PIK3CD: variants seen among roughly 807,000 people sequenced by gnomAD.
The protein encoded by PIK3CD is phosphatidylinositol-4,5-bisphosphate 3-kinase catalytic subunit delta.
PIK3CD carries 20 observed loss-of-function variants against 122.9 expected under a neutral mutation model. The observed-to-expected ratio is 0.16, with a 90% CI of 0.11 to 0.24. The LOEUF (loss-of-function observed/expected upper bound fraction) is 0.24, where lower values mean the gene tolerates loss of function less well. PIK3CD is among the 10% of genes least tolerant of loss of function. The pLI, the probability that PIK3CD is intolerant of heterozygous loss-of-function variation, is 1.00. For synonymous variants in PIK3CD, 596 were observed against 593.4 expected (o/e 1.00, Z -0.06); for missense variants, 787 against 1,406.3 (o/e 0.56, Z 7.04).
the PIK3CD span, among the ~76,000 whole-genome samples, chr1:9,627,979 G>A: frequency 2.6e-5 from 4 of 152,350 alleles, no homozygotes; most frequent in Admixed American, 6.5e-5. Context: ...GAGCCAGGGG[G>A]TTGAGGCTGC....
Position 9,717,198 on chromosome 1 carries a change from G to C in PIK3CD, c.930+90G>C, listed in dbSNP as rs1270372563. ...TGTGCTACTGGCCATGGGTCCAGGG[G>C]CCCTTGGTATGGAGAGCTGGGGCTT... On this transcript the variant is annotated intron_variant, in intron 7 of 23. Coordinates refer to ENST00000377346, the MANE Select transcript of PIK3CD (RefSeq NM_005026.5). The surrounding 1 kb of genome is among the most constrained non-coding windows in gnomAD (Gnocchi z 5.4). The C allele has an allele frequency of 6.7e-7, 1 of 1,503,684 alleles. No homozygotes were observed. Among genetic ancestry groups the C allele is most frequent in the African/African-American group, 1.4e-5 (1 of 72,612 alleles). The allele number at this position is 1,503,684 out of a possible 1,614,324, so 93.1% of individuals were successfully genotyped here. A position where few individuals can be genotyped will look rare whatever the true frequency, so the allele number is the denominator to read the frequency against.
the PIK3CD span, among the ~76,000 whole-genome samples, chr1:9,646,611 G>A: frequency 0.024 from 3,637 of 152,268 alleles, 140 homozygotes; most frequent in African/African-American, 0.083. Flanking sequence ...GCTGATAAGC[G>A]TTGTCTCCAG....
intron 2 of PIK3CD, among the ~76,000 whole-genome samples, chr1:9,698,687 T>C (rs915123965): frequency 1.1e-4 from 16 of 152,210 alleles, no homozygotes; most frequent in African/African-American, 3.6e-4. Context: ...TTTAGGATAA[T>C]TCCCAAATTC....
chr1:9,634,729 C>T, the PIK3CD span, among the ~76,000 whole-genome samples: 2 of 152,212 alleles, frequency 1.3e-5, no homozygotes, highest in Non-Finnish European at 2.9e-5. Context: ...GCCCCTCACT[C>T]TGCCTCGAGT....
chr1:9,630,246 C>A, the PIK3CD span, among the ~76,000 whole-genome samples: 4 of 152,252 alleles, frequency 2.6e-5, no homozygotes, highest in Non-Finnish European at 1.5e-5. Context: ...CTCCCTACCC[C>A]CCGGAGGCCG....
At chr1:9,633,038 T>G in the PIK3CD span, among the ~76,000 whole-genome samples, 1 of 151,960 alleles carries the variant, frequency 6.6e-6, no homozygotes. Flanking sequence ...ATTTTTTGTA[T>G]TTTTAGTAGA....
At position 9,717,519 on chromosome 1, in the gene PIK3CD, T is replaced by A. The variant is rs561568858; in HGVS notation, c.931-18T>A. 2.5e-6 allele frequency: 4 copies of A among 1,613,158 alleles called. No homozygotes were observed. The highest frequency in any genetic ancestry group is 3.4e-6 in the Non-Finnish European group (4 of 1,179,316). On this transcript the variant is annotated intron_variant, in intron 7 of 23. Coordinates refer to ENST00000377346, the MANE Select transcript of PIK3CD (RefSeq NM_005026.5). The surrounding 1 kb of genome is among the most constrained non-coding windows in gnomAD (Gnocchi z 5.4). ...GCACTTTGAGCCGTGTTAACAGCCC[T>A]GCTTCCCCGGCCCCCAGCCTTCCTC...
the PIK3CD span, among the ~76,000 whole-genome samples, chr1:9,634,979 T>G: frequency 4.6e-5 from 7 of 152,082 alleles, no homozygotes; most frequent in African/African-American, 1.2e-4. Context: ...CACATTGAAC[T>G]TGGGTGTCCT....
At position 9,717,037 on chromosome 1, in the gene PIK3CD, G is replaced by C. The variant is rs1446283598; in HGVS notation, c.859G>C (p.Asp287His). The C allele has an allele frequency of 3.7e-6, 6 of 1,613,878 alleles. No homozygotes were observed. Among genetic ancestry groups the C allele is most frequent in the Non-Finnish European group, 5.1e-6 (6 of 1,180,034 alleles). The change falls in exon 7 of 24, where the codon GAT (aspartate) becomes CAT (histidine). Residue 287 changes from aspartate (D) to histidine (H), a missense_variant. Around this residue, in one of 6 missense-constraint regions of PIK3CD, gnomAD observed 592 missense variants for 920.6 expected, o/e 0.64. Coordinates refer to ENST00000377346, the MANE Select transcript of PIK3CD (RefSeq NM_005026.5). The surrounding 1 kb of genome is among the most constrained non-coding windows in gnomAD (Gnocchi z 5.4). ...VHSSSILAMR[D>H]EQSNPAPQVQ... ...TTCCTCCTCCATCCTCGCCATGCGG[G>C]ATGAGCAGAGCAACCCTGCCCCCCA...
the PIK3CD span, among the ~76,000 whole-genome samples, chr1:9,640,508 G>T: frequency 2.0e-5 from 3 of 151,864 alleles, no homozygotes; most frequent in Non-Finnish European, 4.4e-5. Flanking sequence ...TGACCAGGGA[G>T]GCGGAAGTTG....
chr1:9,721,875 C>T lies in PIK3CD; in HGVS notation c.2055+15C>T. ...TGATGAAGCAGGTGAGGCCCAAGGCCCTGGGGGGCGGGCAGGGGGCGGCCC... is the reference window on the plus strand; with the variant it reads ...TGATGAAGCAGGTGAGGCCCAAGGCTCTGGGGGGCGGGCAGGGGGCGGCCC... On this transcript the variant is annotated intron_variant, in intron 16 of 23. Transcript: ENST00000377346. 6.2e-7 allele frequency: 1 copy of T among 1,612,790 alleles called. No individual in the cohort carries two copies. The highest frequency in any genetic ancestry group is 8.5e-7 in the Non-Finnish European group (1 of 1,179,776).
At chr1:9,708,478 A>T (rs1646928620) in intron 2 of PIK3CD, among the ~76,000 whole-genome samples, 1 of 152,016 alleles carries the variant, frequency 6.6e-6, no homozygotes, top group Admixed American at 6.6e-5. Context: ...ACCATGCCTG[A>T]CCATGCGCAG....
rs1376445589 is a variant in PIK3CD at position 9,710,860 on chromosome 1, A to G, written c.141+264A>G. Among the ~76,000 whole-genome samples the G allele has an allele frequency of 6.6e-6, 1 of 152,164 alleles. No individual in the cohort carries two copies. The highest frequency in any genetic ancestry group is 1.5e-5 in the Non-Finnish European group (1 of 68,022). On this transcript the variant is annotated intron_variant, in intron 3 of 23. Transcript: ENST00000377346. The surrounding 1 kb of genome is among the most constrained non-coding windows in gnomAD (Gnocchi z 4.7). ...GTGTGCAATGGCGCAATCTCGGCTC[A>G]CTGCAACCTCCAACTCCCGGGTTCA...
At chr1:9,653,904 T>G (rs1570040715) in intron 1 of PIK3CD, 1 of 1,366,890 alleles carries the variant, frequency 7.3e-7, no homozygotes, top group South Asian at 1.1e-5. Flanking sequence ...GCTGGAGGAG[T>G]GCTCTTAAAA....
At chr1:9,639,599 C>CA in the PIK3CD span, among the ~76,000 whole-genome samples, 1 of 152,222 alleles carries the variant, frequency 6.6e-6, no homozygotes, top group African/African-American at 2.4e-5. Flanking sequence ...ACCCCGGCCC[C>CA]AAGGACAGAA....
the PIK3CD span, among the ~76,000 whole-genome samples, chr1:9,640,495 G>C: frequency 1.2e-4 from 13 of 112,016 alleles, no homozygotes; most frequent in Admixed American, 3.3e-4. Context: ...CAGGAGAATC[G>C]CTTGACCAGG....
At position 9,705,342 on chromosome 1, in the gene PIK3CD, G is replaced by A. The variant is rs1290236736; in HGVS notation, c.-32-5082G>A. Among the ~76,000 whole-genome samples the A allele has an allele frequency of 4.1e-3, 554 of 136,574 alleles. 16 individuals are homozygous for A. Among genetic ancestry groups the A allele is most frequent in the Admixed American group, 0.032 (432 of 13,538 alleles). The allele number at this position is 136,574 out of a possible 152,430, so 89.6% of individuals were successfully genotyped here. A position where few individuals can be genotyped will look rare whatever the true frequency, so the allele number is the denominator to read the frequency against. On this transcript the variant is annotated intron_variant, in intron 2 of 23. Transcript: ENST00000377346. ...AAATACCAAAAAAAAAAAAAAAAAA[G>A]GAAAAAAAAAAGGGTGTAGTGGCAT...
At position 9,720,010 on chromosome 1, in the gene PIK3CD, C is replaced by T. The variant is rs574697107; in HGVS notation, c.1332C>T (p.Ser444=). ...TGERCLYMWP[S]VPDEKGELLN... ...AACGCTGCCTCTACATGTGGCCCTC[C>T]GTCCCAGGTCGGCCCAGGCCCAGGA... Residue 444 remains serine, a synonymous_variant, in exon 10 of 24, where the codon TCC becomes TCT. Transcript: ENST00000377346. The surrounding 1 kb of genome is among the most constrained non-coding windows in gnomAD (Gnocchi z 9.0). 18 of 1,613,440 alleles carry T rather than the reference C, an allele frequency of 1.1e-5. No individual in the cohort carries two copies. The highest frequency in any genetic ancestry group is 3.3e-5 in the South Asian group (3 of 91,092).
At chr1:9,641,497 A>G in the PIK3CD span, among the ~76,000 whole-genome samples, 1 of 152,136 alleles carries the variant, frequency 6.6e-6, no homozygotes, top group African/African-American at 2.4e-5. Context: ...TGGGGCAGGG[A>G]TGTGAACCCT....
Sources: gnomAD v4.1 joint callset for allele counts (sites outside exome capture counted in the v4.1 genomes callset) on GRCh38, gnomAD v4.1.1 for gene constraint, gnomAD v4.1.1 regional missense constraint, Gnocchi (gnomAD v3.1) non-coding constraint, MANE v1.5 for transcripts, NCBI Gene and HGNC (gene_info 2026-07-23, HGNC 2026-07-21) for gene names.